ZNF736: variants seen among roughly 807,000 people sequenced by gnomAD.
ZNF736 encodes KRAB-containing zinc-finger repressor protein.
Under a neutral mutation model 11.7 loss-of-function variants are expected in ZNF736, and 6 were observed. The observed-to-expected ratio is 0.51, with a 90% CI of 0.28 to 1.01. ZNF736 has a LOEUF of 1.01. Ranked by LOEUF, ZNF736 falls within the 50% of genes least tolerant of loss-of-function variation. The probability of loss-of-function intolerance (pLI) is 0.09; values close to 1 mark genes in which losing one functional copy is unlikely to be tolerated. For missense variants in ZNF736, 444 were observed against 496.0 expected (o/e 0.90, Z 1.00); for synonymous variants, 139 against 164.7 (o/e 0.84, Z 1.19).
In ZNF736 at chr7:64,336,373, C is replaced by T. The variant is rs529872485; in HGVS notation, c.118C>T (p.Leu40=). Residue 40 remains leucine, a synonymous_variant, in exon 2 of 4, where the codon CTG becomes TTG. Transcript: ENST00000423484. ...TGTGATGTTAGAGAACTATGGAAAC[C>T]TGGTCTCCTTGGGTGAGAATAACTT... ...RDVMLENYGN[L]VSLGLAIFKP... is the part of the protein sequence containing the mutation. 1 of 1,612,130 alleles carries T rather than the reference C, an allele frequency of 6.2e-7. No individual in the cohort carries two copies. Among genetic ancestry groups the T allele is most frequent in the South Asian group, 1.1e-5 (1 of 90,706 alleles).
intron 1 of ZNF736, among the ~76,000 whole-genome samples, chr7:64,314,602 C>T (rs767066991): frequency 1.4e-4 from 21 of 152,246 alleles, no homozygotes; most frequent in Non-Finnish European, 2.9e-4. Context: ...GAGACAGTGT[C>T]TCACTCTGTT....
At position 64,348,406 on chromosome 7, in the gene ZNF736, C is replaced by T; in HGVS notation, c.543C>T (p.Asp181=). Residue 181 remains aspartate, a synonymous_variant, in exon 4 of 4, where the codon GAC becomes GAT. Coordinates refer to ENST00000423484, the MANE Select transcript of ZNF736 (RefSeq NM_001170905.3). The part of the protein sequence containing the change: ...KCHKCEECGK[D]CRLFSDFTRH... ...ACAAATGTGAAGAATGTGGCAAAGA[C>T]TGTAGGTTGTTCTCAGATTTTACTA... 1.3e-6 allele frequency: 2 copies of T among 1,550,652 alleles called. No homozygotes were observed. Among genetic ancestry groups the T allele is most frequent in the Non-Finnish European group, 1.7e-6 (2 of 1,146,808 alleles).
chr7:64,332,453 G>A (rs1789183835), intron 1 of ZNF736, among the ~76,000 whole-genome samples: 1 of 152,182 alleles, frequency 6.6e-6, no homozygotes, highest in Non-Finnish European at 1.5e-5. Context: ...AGGGCAAAAA[G>A]CAGAACGAAG....
intron 1 of ZNF736, among the ~76,000 whole-genome samples, chr7:64,319,331 G>GTGTATGTA (rs1168269136): frequency 1.3e-5 from 1 of 75,510 alleles, no homozygotes; most frequent in Admixed American, 1.5e-4. Flanking sequence ...GTGTGTGTAT[G>GTGTATGTA]TGTATATATA....
intron 1 of ZNF736, among the ~76,000 whole-genome samples, chr7:64,333,658 G>GAA (rs11412946): frequency 0.31 from 46,440 of 150,390 alleles, 7,290 homozygotes; most frequent in African/African-American, 0.34. Flanking sequence ...GACACAAATG[G>GAA]AAAAAAAAAA....
chr7:64,321,333 G>A (rs1197100381), intron 1 of ZNF736, among the ~76,000 whole-genome samples: 1 of 152,172 alleles, frequency 6.6e-6, no homozygotes, highest in Non-Finnish European at 1.5e-5. Flanking sequence ...TTTGGGATGA[G>A]AGAATTCACT....
intron 3 of ZNF736, among the ~76,000 whole-genome samples, chr7:64,340,784 T>G (rs910936733): frequency 1.3e-5 from 2 of 152,200 alleles, no homozygotes; most frequent in Non-Finnish European, 2.9e-5. Context: ...TTGGTTCATG[T>G]TAGAAAGTCT....
intron 1 of ZNF736, among the ~76,000 whole-genome samples, chr7:64,332,960 A>G (rs1205181665): frequency 6.6e-6 from 1 of 152,190 alleles, no homozygotes; most frequent in Non-Finnish European, 1.5e-5. Flanking sequence ...ATGATTTCAT[A>G]TTGTTTAAAC....
chr7:64,349,090 C>G lies in ZNF736; in HGVS notation c.1227C>G (p.Phe409Leu), dbSNP rs1406306725. Residue 409 changes from phenylalanine to leucine, a missense_variant, in exon 4 of 4, where the codon TTC becomes TTG. Phe to Leu is a conservative substitution (Grantham distance 22). Coordinates refer to ENST00000423484, the MANE Select transcript of ZNF736 (RefSeq NM_001170905.3). ...CEECGKASSW[F>L]SHLIRHKRIH... ...AATGTGGCAAAGCATCGAGCTGGTTCTCACACCTCATCAGACATAAGAGAA... is the reference window on the plus strand; with the variant it reads ...AATGTGGCAAAGCATCGAGCTGGTTGTCACACCTCATCAGACATAAGAGAA... 6.3e-7 allele frequency: 1 copy of G among 1,595,396 alleles called. No homozygotes were observed. Among genetic ancestry groups the G allele is most frequent in the Non-Finnish European group, 8.5e-7 (1 of 1,170,272 alleles).
chr7:64,346,668 ATC>A (rs1206363444), intron 3 of ZNF736, among the ~76,000 whole-genome samples: 2 of 151,944 alleles, frequency 1.3e-5, no homozygotes, highest in Non-Finnish European at 2.9e-5. Context: ...CTTGTTAGAA[ATC>A]TCTTTGTGTT....
At position 64,314,138 on chromosome 7, in the gene ZNF736, TG is replaced by T. The variant is rs1242686314; in HGVS notation, c.-11del. On this transcript the variant is annotated 5_prime_UTR_variant, in exon 1 of 4. Coordinates refer to ENST00000423484, the MANE Select transcript of ZNF736 (RefSeq NM_001170905.3). Reference sequence around the variant, plus strand: ...TCCATAGGGAGGACGGCGGAACATCTGGAGGCTGGGAAATGGTGAGTGCGTG... The same window carrying T: ...TCCATAGGGAGGACGGCGGAACATCTGAGGCTGGGAAATGGTGAGTGCGTG... The T allele has an allele frequency of 3.9e-6, 6 of 1,552,058 alleles. No homozygotes were observed. Among genetic ancestry groups the T allele is most frequent in the Non-Finnish European group, 5.2e-6 (6 of 1,147,326 alleles).
rs1190960038 is a variant in ZNF736, at chr7:64,350,931, G to C, written c.*1784G>C. The C allele has an allele frequency of 6.6e-6, 1 of 152,348 alleles. No homozygotes were observed. The highest frequency in any genetic ancestry group is 1.5e-5 in the Non-Finnish European group (1 of 68,198). The allele number at this position is 152,348 out of a possible 1,614,324, so 9.4% of individuals were successfully genotyped here. Reference sequence around the variant, plus strand: ...AGATTTGGAGTTTGCGAGTTTGTGGGATGAAGGTGCCATAGCTGGAGCAGA... The same window carrying C: ...AGATTTGGAGTTTGCGAGTTTGTGGCATGAAGGTGCCATAGCTGGAGCAGA... On this transcript the variant is annotated 3_prime_UTR_variant, in exon 4 of 4. Transcript: ENST00000423484.
chr7:64,356,101 A>G lies in ZNF736; in HGVS notation c.*6954A>G, dbSNP rs1789550437. The G allele has an allele frequency of 6.5e-6, 1 of 153,038 alleles. No homozygotes were observed. The highest frequency in any genetic ancestry group is 6.5e-5 in the Admixed American group (1 of 15,322). 9.5% of individuals were successfully genotyped at this position (153,038 alleles called of 1,614,324 possible). A position where few individuals can be genotyped will look rare whatever the true frequency, so the allele number is the denominator to read the frequency against. On this transcript the variant is annotated 3_prime_UTR_variant, in exon 4 of 4. Transcript: ENST00000423484. ...AATATAAATAATAGGTTTGTTCTGT[A>G]TATTTTAATGATCTTTCACAAGAGC...
chr7:64,327,495 C>T (rs1789098836), intron 1 of ZNF736, among the ~76,000 whole-genome samples: 1 of 151,850 alleles, frequency 6.6e-6, no homozygotes, highest in African/African-American at 2.4e-5. Flanking sequence ...CTCATTTGGC[C>T]AATTTGTGTC....
intron 3 of ZNF736, among the ~76,000 whole-genome samples, chr7:64,342,312 A>G (rs1451870156): frequency 6.6e-6 from 1 of 152,208 alleles, no homozygotes; most frequent in African/African-American, 2.4e-5. Flanking sequence ...ACAGAAAATG[A>G]AAGTGAGAAC....
chr7:64,320,649 G>T (rs1402621954), intron 1 of ZNF736, among the ~76,000 whole-genome samples: 1 of 152,104 alleles, frequency 6.6e-6, no homozygotes, highest in African/African-American at 2.4e-5. Context: ...AAAAGTTAAA[G>T]TATGTATTGT....
In ZNF736 at chr7:64,349,309, C is replaced by G; in HGVS notation, c.*162C>G. 1.7e-6 allele frequency: 1 copy of G among 591,078 alleles called. No individual in the cohort carries two copies. Among genetic ancestry groups the G allele is most frequent in the Non-Finnish European group, 2.8e-6 (1 of 358,004 alleles). The allele number at this position is 591,078 out of a possible 1,614,324, so 36.6% of individuals were successfully genotyped here. On this transcript the variant is annotated 3_prime_UTR_variant, in exon 4 of 4. Transcript: ENST00000423484. ...AATCTGGTTGCTTATATGTTGGGTA[C>G]ATATATAGCCCTTTGCTATTATGTA...
intron 1 of ZNF736, among the ~76,000 whole-genome samples, chr7:64,330,642 G>A (rs994677678): frequency 6.6e-6 from 1 of 152,038 alleles, no homozygotes; most frequent in Non-Finnish European, 1.5e-5. Flanking sequence ...CTCTCCACAT[G>A]GCTGCAGCAG....
intron 1 of ZNF736, among the ~76,000 whole-genome samples, chr7:64,332,545 G>A (rs1409136710): frequency 6.6e-6 from 1 of 152,134 alleles, no homozygotes; most frequent in Non-Finnish European, 1.5e-5. Context: ...GTATTGTCTT[G>A]ATAAACATCT....
Sources: gnomAD v4.1 joint callset for allele counts (sites outside exome capture counted in the v4.1 genomes callset) on GRCh38, gnomAD v4.1.1 for gene constraint, MANE v1.5 for transcripts, NCBI Gene and HGNC (gene_info 2026-07-23, HGNC 2026-07-21) for gene names.